LRIG3: variants seen among roughly 807,000 people sequenced by gnomAD.
LRIG3 encodes leucine rich repeats and immunoglobulin like domains 3.
In LRIG3, 76 loss-of-function variants were observed where a neutral mutation model predicts 114.5. That is an observed-to-expected ratio of 0.66 (90% confidence interval 0.55 to 0.80). LRIG3 has a LOEUF of 0.80. LRIG3 is among the 30% of genes least tolerant of loss of function. The probability of loss-of-function intolerance (pLI) is 0.00; values close to 1 mark genes in which losing one functional copy is unlikely to be tolerated. For synonymous variants in LRIG3, 512 were observed against 519.8 expected (o/e 0.98, Z 0.20); for missense variants, 1,239 against 1,382.8 (o/e 0.90, Z 1.65).
Position 58,920,091 on chromosome 12 carries a change from T to C in LRIG3, c.145A>G (p.Thr49Ala). 1.9e-6 allele frequency: 3 copies of C among 1,555,060 alleles called. No individual in the cohort carries two copies. Among genetic ancestry groups the C allele is most frequent in the South Asian group, 1.2e-5 (1 of 84,526 alleles). The stretch of plus-strand genomic sequence containing the variant: ...AGGTCCCCGAGGCAGCGGCAGGTAG[T>C]GGGGCATGGGCGCTCGGCGGCTACC... ...SGVAAERPCPTTCRCLGDLLD... is the reference protein window; with the variant it reads ...SGVAAERPCPATCRCLGDLLD... The change falls in exon 1 of 19, where the codon ACT becomes GCT. Residue 49 changes from threonine to alanine, a missense_variant. Physicochemically the swap from Thr to Ala is moderately conservative, Grantham distance 58. Transcript: ENST00000320743.
At chr12:58,883,668 C>T in intron 10 of LRIG3, 77 bp from the exon 11 acceptor site, 3 of 995,478 alleles carry the variant, frequency 3.0e-6, no homozygotes, top group Non-Finnish European at 3.0e-6. Flanking sequence ...TGGGCCCCCA[C>T]TGCCCACCCC....
chr12:58,904,973 A>G (rs1872004783), intron 3 of LRIG3, among the ~76,000 whole-genome samples: 2 of 152,226 alleles, frequency 1.3e-5, no homozygotes, highest in African/African-American at 4.8e-5. Flanking sequence ...GTATAAGGGG[A>G]AACCTAAGAG....
Position 58,885,872 on chromosome 12 carries a change from A to T in LRIG3, c.1203T>A (p.Ile401=). Residue 401 remains isoleucine (I), a synonymous_variant, in exon 10 of 19, where the codon ATT becomes ATA. Transcript: ENST00000320743. ...LILQGNRIRS[I]TKKAFTGLDA... is the part of the protein sequence containing the mutation. ...CCAAACCAGTGAAGGCTTTTTTAGTAATAGAACGGATCCGATTTCCTTGGA... is the reference window on the plus strand; with the variant it reads ...CCAAACCAGTGAAGGCTTTTTTAGTTATAGAACGGATCCGATTTCCTTGGA... 1 of 1,590,686 alleles carries T rather than the reference A, an allele frequency of 6.3e-7. No homozygotes were observed. The highest frequency in any genetic ancestry group is 8.6e-7 in the Non-Finnish European group (1 of 1,165,278).
At chr12:58,905,593 C>T (rs1370020044) in intron 3 of LRIG3, among the ~76,000 whole-genome samples, 4 of 152,154 alleles carry the variant, frequency 2.6e-5, no homozygotes, top group Non-Finnish European at 5.9e-5. Context: ...TCAATGTGGT[C>T]GTACCGATAG....
In LRIG3 at chr12:58,920,164, A is replaced by G. The variant is rs1367893415; in HGVS notation, c.72T>C (p.Ala24=). The G allele has an allele frequency of 1.3e-6, 2 of 1,539,448 alleles. No individual in the cohort carries two copies. The highest frequency in any genetic ancestry group is 1.7e-6 in the Non-Finnish European group (2 of 1,145,758). ...GLLLCAVLGR[A]GRSDSGGRGE... is the part of the protein sequence containing the mutation. ...CGCGACCGCCGCTGTCTGACCGGCC[A>G]GCGCGCCCCAGCACCGCGCACAGCA... is the stretch of plus-strand genomic sequence containing the variant. Residue 24 remains alanine, a synonymous_variant, in exon 1 of 19, where the codon GCT becomes GCC. Transcript: ENST00000320743.
In LRIG3 at chr12:58,877,696, G is replaced by C. The variant is rs1367670819; in HGVS notation, c.2240C>G (p.Ala747Gly). 18 of 1,614,128 alleles carry C rather than the reference G, an allele frequency of 1.1e-5. No individual in the cohort carries two copies. Among genetic ancestry groups the C allele is most frequent in the Non-Finnish European group, 1.5e-5 (18 of 1,180,010 alleles). Residue 747 changes from alanine (A) to glycine (G), a missense_variant, in exon 15 of 19, where the codon GCA becomes GGA. Coordinates refer to ENST00000320743, the MANE Select transcript of LRIG3 (RefSeq NM_153377.5). ...CACAATAATCAGAAGCTGATTGCCT[G>C]CTGCAAAAAAGTGCCTCTCGGTTAC... The part of the protein sequence containing the change: ...LVVTERHFFA[A>G]GNQLLIIVDS...
intron 9 of LRIG3, among the ~76,000 whole-genome samples, 169 bp from the exon 10 acceptor site, chr12:58,886,071 G>A (rs1395982878): frequency 6.6e-6 from 1 of 152,056 alleles, no homozygotes; most frequent in African/African-American, 2.4e-5. Context: ...TAATGTAGTC[G>A]AACATGGTTT....
chr12:58,881,654 A>G (rs1871134081), intron 12 of LRIG3, among the ~76,000 whole-genome samples: 1 of 152,046 alleles, frequency 6.6e-6, no homozygotes. Flanking sequence ...GCCATGATCT[A>G]AACCCAGAAG....
intron 9 of LRIG3, 101 bp downstream of exon 9, chr12:58,886,709 T>C (rs1308984826): frequency 4.3e-6 from 4 of 930,636 alleles, no homozygotes; most frequent in Non-Finnish European, 6.8e-6. Flanking sequence ...TAAGCACTGA[T>C]TTCTCATCTC....
intron 18 of LRIG3, chr12:58,873,822 G>C: frequency 1.7e-6 from 1 of 575,578 alleles, no homozygotes; most frequent in South Asian, 2.1e-5. Context: ...GCCACACACA[G>C]TGCTACCCAG....
chr12:58,904,264 G>A (rs373664475), intron 3 of LRIG3, among the ~76,000 whole-genome samples: 34 of 152,228 alleles, frequency 2.2e-4, no homozygotes, highest in African/African-American at 7.7e-4. Context: ...CCAAAATAAG[G>A]AAGAGAAGGG....
Position 58,890,754 on chromosome 12 carries a change from T to C in LRIG3, c.426A>G (p.Lys142=), listed in dbSNP as rs144966301. Residue 142 remains lysine, a synonymous_variant, in exon 4 of 19, where the codon AAA becomes AAG. Coordinates refer to ENST00000320743, the MANE Select transcript of LRIG3 (RefSeq NM_153377.5). The stretch of plus-strand genomic sequence containing the variant: ...CCAAAGTTTCAAGGGACTGAAACTC[T>C]TTCAGATGTTCAGGGAGTATTTCAA... ...RIVEILPEHL[K]EFQSLETLDL... 1.1e-5 allele frequency: 17 copies of C among 1,606,604 alleles called. No individual in the cohort carries two copies. In the African/African-American group the frequency reaches 1.6e-4, roughly 15 times the overall value.
intron 3 of LRIG3, among the ~76,000 whole-genome samples, chr12:58,911,280 C>A (rs1872265825): frequency 6.6e-6 from 1 of 152,150 alleles, no homozygotes. Flanking sequence ...ACCCTTTGAT[C>A]TAATTATCAG....
At chr12:58,917,059 C>T (rs1872505362) in intron 1 of LRIG3, among the ~76,000 whole-genome samples, 1 of 152,050 alleles carries the variant, frequency 6.6e-6, no homozygotes, top group Admixed American at 6.6e-5. Context: ...ATAAATCAGC[C>T]TGCTATATTC....
chr12:58,914,425 A>G, intron 1 of LRIG3, 89 bp from the exon 2 acceptor site: 1 of 968,970 alleles, frequency 1.0e-6, no homozygotes, highest in South Asian at 1.4e-5. Context: ...TATGAACACC[A>G]GTGAGAGCAG....
rs1384487359 is a variant in LRIG3 at position 58,877,443 on chromosome 12, G to C, written c.2493C>G (p.Tyr831Ter). 1 of 1,613,982 alleles carries C rather than the reference G, an allele frequency of 6.2e-7. No individual in the cohort carries two copies. Among genetic ancestry groups the C allele is most frequent in the African/African-American group, 1.3e-5 (1 of 74,904 alleles). The change falls in exon 15 of 19, where the codon TAC (tyrosine) becomes TAG (stop). Residue 831 changes from tyrosine (Y) to a stop codon, truncating the protein, a stop_gained. Coordinates refer to ENST00000320743, the MANE Select transcript of LRIG3 (RefSeq NM_153377.5). LOFTEE classifies it high-confidence loss of function. ...GTSLVWVVII[Y>*]HTRRRNEDCS... is the part of the protein sequence containing the mutation. ...AATCTTCATTCCTCCGCCTTGTGTG[G>C]TATATGATGACCACCCACACGAGTG...
chr12:58,904,206 A>G (rs1318465749), intron 3 of LRIG3, among the ~76,000 whole-genome samples: 1 of 152,188 alleles, frequency 6.6e-6, no homozygotes, highest in Non-Finnish European at 1.5e-5. Flanking sequence ...TTTGGTCTCC[A>G]TCAAACGAGG....
At chr12:58,908,125 A>G (rs2120969767) in intron 3 of LRIG3, among the ~76,000 whole-genome samples, 1 of 152,358 alleles carries the variant, frequency 6.6e-6, no homozygotes. Context: ...TCTCCAATAC[A>G]GAAGGATGCA....
At chr12:58,919,546 C>A (rs1007954801) in intron 1 of LRIG3, 2 of 1,549,978 alleles carry the variant, frequency 1.3e-6, no homozygotes, top group Non-Finnish European at 1.7e-6. Context: ...ACTTCAGTTA[C>A]TGGGTGGGAA....
Sources: allele counts gnomAD v4.1 joint callset (sites outside exome capture counted in the v4.1 genomes callset), GRCh38; gene constraint gnomAD v4.1.1; transcripts MANE v1.5; gene names NCBI Gene and HGNC (gene_info 2026-07-23, HGNC 2026-07-21).